Variants in RNF111 observed in about 807,000 individuals in gnomAD.
RNF111 encodes the protein E3 ubiquitin-protein ligase Arkadia.
A neutral mutation model predicts 95.1 loss-of-function variants in RNF111; 17 were observed. The observed-to-expected ratio is 0.18, with a 90% CI of 0.12 to 0.27. The LOEUF is 0.27. Among genes scored for constraint, RNF111 ranks in the 10% least tolerant of loss-of-function variants. The pLI, the probability that RNF111 is intolerant of heterozygous loss-of-function variation, is 1.00. For synonymous variants in RNF111, 440 were observed against 414.8 expected (o/e 1.06, Z -0.74); for missense variants, 1,189 against 1,210.4 (o/e 0.98, Z 0.26).
chr15:59,012,206 A>G (rs1227738816), intron 1 of RNF111, among the ~76,000 whole-genome samples: 1 of 150,568 alleles, frequency 6.6e-6, no homozygotes, highest in African/African-American at 2.4e-5. Context: ...TTTAGTAGAG[A>G]CACAGTTTCA....
In RNF111 at chr15:59,089,752, A is replaced by G. The variant is rs747750704; in HGVS notation, c.2636A>G (p.Asn879Ser). Residue 879 changes from asparagine (N) to serine (S), a missense_variant, in exon 11 of 14, where the codon AAT (asparagine) becomes AGT (serine). Coordinates refer to ENST00000348370, the MANE Select transcript of RNF111 (RefSeq NM_017610.8). ...TCATTCAGAGGTCCTTTCAGGGGCA[A>G]TTTTGAGGTATGTAATAAAATAAAT... ...GTSFRGPFRG[N>S]FEELIHLEER... 1.3e-5 allele frequency: 21 copies of G among 1,601,492 alleles called. No homozygotes were observed. In the Admixed American group the frequency reaches 1.3e-4, roughly 10 times the overall value.
At chr15:59,079,633 T>C (rs548477002) in intron 7 of RNF111, among the ~76,000 whole-genome samples, 1 of 151,408 alleles carries the variant, frequency 6.6e-6, no homozygotes, top group African/African-American at 2.4e-5. Flanking sequence ...AAAATGAAAT[T>C]TGTATTGAAA....
chr15:59,070,721 C>G (rs1248063987), intron 6 of RNF111, among the ~76,000 whole-genome samples: 1 of 152,164 alleles, frequency 6.6e-6, no homozygotes, highest in Non-Finnish European at 1.5e-5. Context: ...CATCACACCC[C>G]TTTCCTTTCA....
At chr15:59,017,382 A>G (rs1391160285) in intron 1 of RNF111, among the ~76,000 whole-genome samples, 1 of 152,242 alleles carries the variant, frequency 6.6e-6, no homozygotes, top group Non-Finnish European at 1.5e-5. Flanking sequence ...AGTATGTAAA[A>G]TGTGCTGCTG....
At chr15:59,067,402 C>A (rs187805868) in intron 6 of RNF111, among the ~76,000 whole-genome samples, 1 of 152,042 alleles carries the variant, frequency 6.6e-6, no homozygotes, top group African/African-American at 2.4e-5. Flanking sequence ...GAAAACCCAG[C>A]ATGAGGGAGT....
At chr15:59,045,329 T>C (rs2041657100) in intron 2 of RNF111, among the ~76,000 whole-genome samples, 1 of 152,070 alleles carries the variant, frequency 6.6e-6, no homozygotes, top group East Asian at 1.9e-4. Context: ...TAGCTGGGAC[T>C]ACAGGCACCT....
chr15:59,093,415 A>T, intron 13 of RNF111: 1 of 424,554 alleles, frequency 2.4e-6, no homozygotes, highest in Non-Finnish European at 4.5e-6. Flanking sequence ...CAGCAGTCTC[A>T]GCTCACTGCA....
chr15:59,044,145 C>T (rs1229489222), intron 2 of RNF111, among the ~76,000 whole-genome samples: 3 of 152,184 alleles, frequency 2.0e-5, no homozygotes, highest in Admixed American at 1.3e-4. Flanking sequence ...ATTCTCCTGC[C>T]TCAGCCTCAT....
intron 1 of RNF111, among the ~76,000 whole-genome samples, chr15:59,002,861 A>T (rs2039384682): frequency 2.0e-5 from 3 of 152,098 alleles, no homozygotes; most frequent in Non-Finnish European, 2.9e-5. Context: ...CTCTCCCAGG[A>T]ATACTCTTCC....
chr15:59,090,448 T>C (rs2140238852), intron 11 of RNF111, among the ~76,000 whole-genome samples: 1 of 152,334 alleles, frequency 6.6e-6, no homozygotes, highest in Non-Finnish European at 1.5e-5. Context: ...CAGGCTGCTC[T>C]TGAACTCCTG....
intron 1 of RNF111, among the ~76,000 whole-genome samples, chr15:58,999,722 C>T (rs1458954531): frequency 6.6e-6 from 1 of 152,090 alleles, no homozygotes; most frequent in Non-Finnish European, 1.5e-5. Flanking sequence ...CGTTCTCACA[C>T]TGCTATAAAT....
chr15:58,990,140 A>G (rs1342219543), intron 1 of RNF111, among the ~76,000 whole-genome samples: 3 of 152,214 alleles, frequency 2.0e-5, no homozygotes, highest in Non-Finnish European at 4.4e-5. Flanking sequence ...TATACATTAG[A>G]TCTCCGAGTT....
chr15:59,054,151 C>T (rs1394301507), intron 3 of RNF111, among the ~76,000 whole-genome samples: 2 of 151,994 alleles, frequency 1.3e-5, no homozygotes, highest in Non-Finnish European at 2.9e-5. Flanking sequence ...ATTAGCCAGG[C>T]TGGTCTCGAA....
At chr15:59,009,933 G>T (rs1447459190) in intron 1 of RNF111, among the ~76,000 whole-genome samples, 8 of 152,092 alleles carry the variant, frequency 5.3e-5, no homozygotes, top group African/African-American at 1.9e-4. Context: ...TCCAGCCTGG[G>T]CAAAAGCAAG....
At chr15:58,999,461 G>C (rs547562441) in intron 1 of RNF111, among the ~76,000 whole-genome samples, 4 of 151,818 alleles carry the variant, frequency 2.6e-5, no homozygotes, top group Non-Finnish European at 5.9e-5. Context: ...TCAGCCTCCC[G>C]AGTAGCTGGG....
intron 6 of RNF111, among the ~76,000 whole-genome samples, chr15:59,071,435 C>A (rs1183611318): frequency 6.6e-6 from 1 of 152,072 alleles, no homozygotes; most frequent in African/African-American, 2.4e-5. Flanking sequence ...GAAATCCTAG[C>A]ACCTTGGGAG....
At chr15:59,062,317 A>G (rs919317689) in intron 5 of RNF111, among the ~76,000 whole-genome samples, 1 of 152,158 alleles carries the variant, frequency 6.6e-6, no homozygotes, top group African/African-American at 2.4e-5. Flanking sequence ...TGTTGGGATT[A>G]CAAGTGTGAG....
chr15:59,076,879 A>G (rs1566936386), intron 7 of RNF111, among the ~76,000 whole-genome samples: 1 of 152,252 alleles, frequency 6.6e-6, no homozygotes, highest in Non-Finnish European at 1.5e-5. Flanking sequence ...CATGCTGGAA[A>G]TGAACCAGGA....
chr15:59,021,978 G>T (rs1373315828), intron 1 of RNF111, among the ~76,000 whole-genome samples: 1 of 151,984 alleles, frequency 6.6e-6, no homozygotes, highest in African/African-American at 2.4e-5. Flanking sequence ...TCCCGCCTCA[G>T]CCTCCCGAGT....
Sources: allele counts gnomAD v4.1 joint callset (sites outside exome capture counted in the v4.1 genomes callset), GRCh38; gene constraint gnomAD v4.1.1; transcripts MANE v1.5; gene names NCBI Gene and HGNC (gene_info 2026-07-23, HGNC 2026-07-21).